The following GMDS variants were observed in gnomAD, a reference collection of about 807,000 sequenced individuals.
GMDS encodes GDP-mannose 4,6 dehydratase.
A neutral mutation model predicts 49.9 loss-of-function variants in GMDS; 20 were observed. The observed-to-expected ratio is 0.40, with a 90% CI of 0.28 to 0.58. The LOEUF is 0.58. Ranked by LOEUF, GMDS falls within the 20% of genes least tolerant of loss-of-function variation. The pLI, the probability that GMDS is intolerant of heterozygous loss-of-function variation, is 0.42. For missense variants in GMDS, 362 were observed against 481.4 expected (o/e 0.75, Z 2.32); for synonymous variants, 177 against 178.6 (o/e 0.99, Z 0.07).
At chr6:2,219,927 C>G (rs1780507842) in intron 1 of GMDS, among the ~76,000 whole-genome samples, 1 of 152,178 alleles carries the variant, frequency 6.6e-6, no homozygotes, top group South Asian at 2.1e-4. Flanking sequence ...TTCCACCCCT[C>G]TGGTCCCAAG....
intron 4 of GMDS, among the ~76,000 whole-genome samples, chr6:2,041,431 A>G (rs1433507120): frequency 6.6e-6 from 1 of 152,250 alleles, no homozygotes; most frequent in African/African-American, 2.4e-5. Flanking sequence ...ATCTCAGACC[A>G]TTTAATTAAA....
chr6:1,788,398 G>C (rs1049187811), intron 7 of GMDS, among the ~76,000 whole-genome samples: 1 of 152,188 alleles, frequency 6.6e-6, no homozygotes, highest in African/African-American at 2.4e-5. Context: ...CTTAATTCTG[G>C]GGGCATTTTG....
At chr6:1,745,891 G>C (rs1282731535) in intron 7 of GMDS, among the ~76,000 whole-genome samples, 2 of 152,172 alleles carry the variant, frequency 1.3e-5, no homozygotes, top group Non-Finnish European at 2.9e-5. Flanking sequence ...CCTGTGTTCT[G>C]GTGTGATAAT....
chr6:1,951,888 A>C (rs1763357296), intron 6 of GMDS: 2 of 985,300 alleles, frequency 2.0e-6, no homozygotes, highest in Non-Finnish European at 2.4e-6. Flanking sequence ...AGATAAGAGC[A>C]GCTGAGACAT....
chr6:2,052,131 G>GAAAAAAAAAAAAAAAAAAAAAAAAA (rs576035823), intron 4 of GMDS, among the ~76,000 whole-genome samples: 2 of 99,672 alleles, frequency 2.0e-5, no homozygotes, highest in Admixed American at 1.1e-4. Flanking sequence ...AAAAAAAAAA[G>GAAAAAAAAAAAAAAAAAAAAAAAAA]AAAAAAAAAA....
At chr6:1,950,295 T>C (rs1026466036) in intron 6 of GMDS, among the ~76,000 whole-genome samples, 2 of 152,236 alleles carry the variant, frequency 1.3e-5, no homozygotes, top group Non-Finnish European at 2.9e-5. Flanking sequence ...AAGATAATCT[T>C]GAATCAGTTC....
chr6:1,984,332 A>G (rs943109056), intron 4 of GMDS, among the ~76,000 whole-genome samples: 1 of 152,216 alleles, frequency 6.6e-6, no homozygotes, highest in Admixed American at 6.5e-5. Flanking sequence ...GCATATGTTT[A>G]CATATGTAAC....
At chr6:1,771,899 C>T (rs758091373) in intron 7 of GMDS, among the ~76,000 whole-genome samples, 2 of 152,034 alleles carry the variant, frequency 1.3e-5, no homozygotes, top group East Asian at 1.9e-4. Flanking sequence ...CTGAGAAACA[C>T]GAACATATAT....
intron 9 of GMDS, among the ~76,000 whole-genome samples, chr6:1,715,164 T>C (rs1228750269): frequency 2.0e-5 from 3 of 152,168 alleles, no homozygotes; most frequent in Non-Finnish European, 4.4e-5. Flanking sequence ...GGTAAAGCAA[T>C]AGAAACGAAA....
intron 7 of GMDS, among the ~76,000 whole-genome samples, chr6:1,918,395 G>T (rs1761521059): frequency 6.6e-6 from 1 of 152,020 alleles, no homozygotes; most frequent in African/African-American, 2.4e-5. Flanking sequence ...TGTAAAACAG[G>T]GCCAGTTTAT....
intron 1 of GMDS, among the ~76,000 whole-genome samples, chr6:2,162,014 C>T (rs1212931626): frequency 2.6e-5 from 4 of 152,164 alleles, no homozygotes; most frequent in Non-Finnish European, 5.9e-5. Context: ...TTTTATACCA[C>T]AATATATTCA....
At chr6:2,165,058 C>T (rs1777595300) in intron 1 of GMDS, among the ~76,000 whole-genome samples, 1 of 152,188 alleles carries the variant, frequency 6.6e-6, no homozygotes, top group Non-Finnish European at 1.5e-5. Context: ...GCTCTCCTTA[C>T]TACTGGAAAG....
intron 1 of GMDS, among the ~76,000 whole-genome samples, chr6:2,193,223 C>T (rs1779126090): frequency 6.6e-6 from 1 of 152,216 alleles, no homozygotes; most frequent in Admixed American, 6.5e-5. Context: ...GGGTAAAAAA[C>T]CTGTTTATAA....
chr6:2,157,285 C>T (rs545370404), intron 1 of GMDS, among the ~76,000 whole-genome samples: 1 of 152,274 alleles, frequency 6.6e-6, no homozygotes, highest in East Asian at 1.9e-4. Flanking sequence ...TATCTGTAAA[C>T]CCTACTTTGG....
intron 7 of GMDS, among the ~76,000 whole-genome samples, chr6:1,816,617 T>C (rs1021161776): frequency 5.9e-5 from 9 of 152,320 alleles, no homozygotes; most frequent in South Asian, 4.2e-4. Flanking sequence ...TTATAACTCA[T>C]ATAAAAGTAA....
intron 1 of GMDS, among the ~76,000 whole-genome samples, chr6:2,209,519 G>C (rs1358167205): frequency 6.6e-6 from 1 of 151,142 alleles, no homozygotes; most frequent in Non-Finnish European, 1.5e-5. Flanking sequence ...CAAGTGCCAA[G>C]TCAAACCTTG....
rs74747520 is a variant in GMDS, at chr6:1,918,710, C to T, written c.771+11393G>A. Among the ~76,000 whole-genome samples the T allele has an allele frequency of 4.4e-3, 669 of 152,284 alleles. 29 individuals are homozygous for T. The East Asian group carries it at 0.11, about 25-fold the overall frequency. ...GCTGCAGTGAGCCAAAATCATGCCA[C>T]TGCACTCCAGTATGGGTGACAGAGT... On this transcript the variant is annotated intron_variant, in intron 7 of 10. Coordinates refer to ENST00000380815, the MANE Select transcript of GMDS (RefSeq NM_001500.4).
chr6:2,132,805 G>A (rs898115909), intron 1 of GMDS, among the ~76,000 whole-genome samples: 2 of 152,138 alleles, frequency 1.3e-5, no homozygotes, highest in Non-Finnish European at 1.5e-5. Context: ...GTGCTGATGT[G>A]AGTAACTCCT....
intron 7 of GMDS, among the ~76,000 whole-genome samples, chr6:1,820,294 C>T (rs990101541): frequency 6.6e-6 from 1 of 152,074 alleles, no homozygotes; most frequent in Admixed American, 6.6e-5. Context: ...TAAAAACATA[C>T]ACACAAAAAG....
Sources: gnomAD v4.1 joint callset for allele counts (sites outside exome capture counted in the v4.1 genomes callset) on GRCh38, gnomAD v4.1.1 for gene constraint, MANE v1.5 for transcripts, NCBI Gene and HGNC (gene_info 2026-07-23, HGNC 2026-07-21) for gene names.